Variants in PPM1L observed in about 807,000 individuals in gnomAD.
PPM1L encodes protein phosphatase 1L.
Under a neutral mutation model 31.4 loss-of-function variants are expected in PPM1L, and 13 were observed. The observed-to-expected ratio is 0.41, with a 90% CI of 0.27 to 0.66. The LOEUF (loss-of-function observed/expected upper bound fraction) is 0.66, where lower values mean the gene tolerates loss of function less well. Among genes scored for constraint, PPM1L ranks in the 30% least tolerant of loss-of-function variants. The pLI, the probability that PPM1L is intolerant of heterozygous loss-of-function variation, is 0.29. For synonymous variants in PPM1L, 184 were observed against 175.4 expected (o/e 1.05, Z -0.39); for missense variants, 326 against 453.7 (o/e 0.72, Z 2.56).
At chr3:161,024,157 C>T (rs1429395665) in intron 2 of PPM1L, among the ~76,000 whole-genome samples, 1 of 150,344 alleles carries the variant, frequency 6.7e-6, no homozygotes, top group Non-Finnish European at 1.5e-5. Context: ...CCCAGCTACT[C>T]AGGAGGCTAA....
intron 2 of PPM1L, among the ~76,000 whole-genome samples, chr3:160,978,391 G>A (rs146566896): frequency 1.3e-5 from 2 of 152,322 alleles, no homozygotes; most frequent in African/African-American, 4.8e-5. Context: ...CTCCACAGTG[G>A]TGGCGGAAAT....
At chr3:161,011,258 G>A (rs567818146) in intron 2 of PPM1L, among the ~76,000 whole-genome samples, 5 of 152,094 alleles carry the variant, frequency 3.3e-5, no homozygotes, top group African/African-American at 7.2e-5. Flanking sequence ...TCCCAGCACC[G>A]TTTATTAAAT....
rs115807469 is a variant in PPM1L, at chr3:160,791,471, T to C, written c.399+34764T>C. ...CTCTTTCTCTTAATAGCTTATATTTTAGTCTTATTGCATAATTTTCTTTAA... is the reference window on the plus strand; with the variant it reads ...CTCTTTCTCTTAATAGCTTATATTTCAGTCTTATTGCATAATTTTCTTTAA... On this transcript the variant is annotated intron_variant, in intron 1 of 3. Coordinates refer to ENST00000498165, the MANE Select transcript of PPM1L (RefSeq NM_139245.4). 5.0e-3 allele frequency among the ~76,000 whole-genome samples: 755 copies of C among 152,300 alleles called. 6 individuals are homozygous for C. The highest frequency in any genetic ancestry group is 0.017 in the African/African-American group (711 of 41,572).
chr3:161,001,440 G>C (rs894915388), intron 2 of PPM1L, among the ~76,000 whole-genome samples: 1 of 152,004 alleles, frequency 6.6e-6, no homozygotes, highest in Admixed American at 6.6e-5. Flanking sequence ...GTGCCACCAT[G>C]CCCAGCTAAT....
chr3:160,785,949 T>C (rs1037532222), intron 1 of PPM1L, among the ~76,000 whole-genome samples: 1 of 151,116 alleles, frequency 6.6e-6, no homozygotes, highest in Non-Finnish European at 1.5e-5. Context: ...AAATTCCATT[T>C]GATAGATACT....
At position 161,002,235 on chromosome 3, in the gene PPM1L, C is replaced by A. The variant is rs1330474267; in HGVS notation, c.574+40325C>A. ...GCCACATTTTCTTAATCCAGTCTAT[C>A]ATTGTTGGACATTTGGGTTGGTTCC... On this transcript the variant is annotated intron_variant, in intron 2 of 3. Coordinates refer to ENST00000498165, the MANE Select transcript of PPM1L (RefSeq NM_139245.4). 1.3e-5 allele frequency among the ~76,000 whole-genome samples: 2 copies of A among 152,254 alleles called. 1 individual carries two copies. The highest frequency in any genetic ancestry group is 4.8e-5 in the African/African-American group (2 of 41,534).
intron 1 of PPM1L, among the ~76,000 whole-genome samples, chr3:160,891,933 G>T (rs1713161609): frequency 6.6e-6 from 1 of 152,142 alleles, no homozygotes. Flanking sequence ...ACTCATAACT[G>T]GGAGTTGAAT....
intron 1 of PPM1L, among the ~76,000 whole-genome samples, chr3:160,797,243 T>C (rs1370464526): frequency 2.6e-5 from 4 of 152,154 alleles, no homozygotes; most frequent in African/African-American, 9.7e-5. Flanking sequence ...TGGTGTTTTC[T>C]GGTCAGTGAT....
chr3:160,948,999 A>G (rs988868698), intron 1 of PPM1L, among the ~76,000 whole-genome samples: 4 of 152,182 alleles, frequency 2.6e-5, no homozygotes, highest in Non-Finnish European at 4.4e-5. Flanking sequence ...TAAAAAGTAG[A>G]TTCTAGAGTC....
intron 1 of PPM1L, among the ~76,000 whole-genome samples, chr3:160,887,508 A>G (rs1712955315): frequency 6.6e-6 from 1 of 152,188 alleles, no homozygotes; most frequent in African/African-American, 2.4e-5. Context: ...GAAGCCCATC[A>G]GATTAACAGC....
chr3:160,970,501 G>A (rs2108115710), intron 2 of PPM1L, among the ~76,000 whole-genome samples: 1 of 146,434 alleles, frequency 6.8e-6, no homozygotes, highest in Middle Eastern at 3.8e-3. Flanking sequence ...CCAGGCTGGA[G>A]TGCAGTGGCG....
In PPM1L at chr3:161,074,850, G is replaced by A. The variant is rs1406585550; in HGVS notation, c.*5693G>A. The A allele has an allele frequency of 6.6e-6, 1 of 152,142 alleles. No individual in the cohort carries two copies. Among genetic ancestry groups the A allele is most frequent in the Non-Finnish European group, 1.5e-5 (1 of 68,030 alleles). 9.4% of individuals were successfully genotyped at this position (152,142 alleles called of 1,614,324 possible). ...ATCACAGACAGTTTCCCTGTTCAAAGCTCCACCAAAAAGCAAGCATGCAGC... is the reference window on the plus strand; with the variant it reads ...ATCACAGACAGTTTCCCTGTTCAAAACTCCACCAAAAAGCAAGCATGCAGC... On this transcript the variant is annotated 3_prime_UTR_variant, in exon 4 of 4. Coordinates refer to ENST00000498165, the MANE Select transcript of PPM1L (RefSeq NM_139245.4).
intron 1 of PPM1L, among the ~76,000 whole-genome samples, chr3:160,785,838 T>C (rs1479866999): frequency 6.6e-6 from 1 of 151,850 alleles, no homozygotes; most frequent in Non-Finnish European, 1.5e-5. Flanking sequence ...CACTGTTTTT[T>C]TTTTTTTTTT....
At chr3:160,909,293 A>T (rs976009366) in intron 1 of PPM1L, among the ~76,000 whole-genome samples, 2 of 152,150 alleles carry the variant, frequency 1.3e-5, no homozygotes, top group African/African-American at 2.4e-5. Flanking sequence ...GGAAATGGAG[A>T]ACATAGATAT....
At chr3:160,838,669 A>G (rs1713785692) in intron 1 of PPM1L, among the ~76,000 whole-genome samples, 1 of 152,218 alleles carries the variant, frequency 6.6e-6, no homozygotes, top group Admixed American at 6.5e-5. Context: ...AGATTAATAT[A>G]AGAAGTGACC....
At chr3:160,989,924 CA>C (rs1168160475) in intron 2 of PPM1L, among the ~76,000 whole-genome samples, 1 of 152,068 alleles carries the variant, frequency 6.6e-6, no homozygotes, top group South Asian at 2.1e-4. Flanking sequence ...CTTGGCCTCC[CA>C]AAGTTCCAGC....
At chr3:161,043,795 T>C (rs1718977191) in intron 2 of PPM1L, among the ~76,000 whole-genome samples, 1 of 152,180 alleles carries the variant, frequency 6.6e-6, no homozygotes, top group Non-Finnish European at 1.5e-5. Context: ...CTAAATACCC[T>C]AAGAGCCCTT....
intron 2 of PPM1L, among the ~76,000 whole-genome samples, chr3:160,998,327 A>ACAG (rs1487991780): frequency 2.0e-5 from 3 of 152,228 alleles, no homozygotes; most frequent in Non-Finnish European, 4.4e-5. Flanking sequence ...GTGTCTCACT[A>ACAG]GTTGTTAATG....
chr3:161,025,818 T>C (rs1718370423), intron 2 of PPM1L, among the ~76,000 whole-genome samples: 1 of 152,174 alleles, frequency 6.6e-6, no homozygotes, highest in African/African-American at 2.4e-5. Context: ...GGAAATTAAA[T>C]ATAAACAAAA....
Sources: allele counts gnomAD v4.1 joint callset (sites outside exome capture counted in the v4.1 genomes callset), GRCh38; gene constraint gnomAD v4.1.1; transcripts MANE v1.5; gene names NCBI Gene and HGNC (gene_info 2026-07-23, HGNC 2026-07-21).